CCR3: variants seen among roughly 807,000 people sequenced by gnomAD.
CCR3 encodes the protein C-C motif chemokine receptor 3, also known as C-C chemokine receptor type 3.
For synonymous variants in CCR3, 203 were observed against 179.2 expected, an observed-to-expected ratio of 1.13 and a Z score of -1.06; for missense variants, 419 against 437.5, an observed-to-expected ratio of 0.96 and a Z score of 0.38.
At chr3:46,234,554 C>T (rs910783309) in intron 2 of CCR3, among the ~76,000 whole-genome samples, 2 of 152,094 alleles carry the variant, frequency 1.3e-5, no homozygotes, top group Non-Finnish European at 1.5e-5. Context: ...AATTAAGCCT[C>T]GTTTTAACAT....
intron 1 of CCR3, among the ~76,000 whole-genome samples, chr3:46,248,620 C>T (rs376449020): frequency 6.6e-6 from 1 of 152,110 alleles, no homozygotes; most frequent in East Asian, 1.9e-4. Flanking sequence ...AGATAGGTAA[C>T]AGATGACGAT....
chr3:46,245,357 A>T (rs961652646), intron 1 of CCR3, among the ~76,000 whole-genome samples: 1 of 148,974 alleles, frequency 6.7e-6, no homozygotes, highest in African/African-American at 2.5e-5. Flanking sequence ...AAGGTCATCA[A>T]ATTTCTGCTC....
chr3:46,241,976 T>C (rs1012206775), upstream of CCR3, among the ~76,000 whole-genome samples: 1 of 151,806 alleles, frequency 6.6e-6, no homozygotes, highest in African/African-American at 2.4e-5. Context: ...CTACTAAAAA[T>C]ACAAAAATTA....
intron 1 of CCR3, among the ~76,000 whole-genome samples, chr3:46,256,557 A>G (rs1240569714): frequency 6.6e-6 from 1 of 151,824 alleles, no homozygotes; most frequent in Non-Finnish European, 1.5e-5. Context: ...ACACTTCACA[A>G]TAGGGAATAA....
chr3:46,211,880 G>A (rs183316238), intron 2 of CCR3, among the ~76,000 whole-genome samples: 29 of 152,232 alleles, frequency 1.9e-4, no homozygotes, highest in Non-Finnish European at 3.7e-4. Flanking sequence ...ATAGCCTCTC[G>A]ATGTGGTGGA....
chr3:46,248,490 A>G (rs1700242595), intron 1 of CCR3, among the ~76,000 whole-genome samples: 1 of 152,168 alleles, frequency 6.6e-6, no homozygotes, highest in African/African-American at 2.4e-5. Context: ...AAGAATTCTG[A>G]CTGCACTAAC....
At chr3:46,258,716 G>A (rs914938064) in intron 1 of CCR3, among the ~76,000 whole-genome samples, 1 of 152,098 alleles carries the variant, frequency 6.6e-6, no homozygotes, top group Non-Finnish European at 1.5e-5. Flanking sequence ...CAATCCTCAC[G>A]GAGATCAACT....
At chr3:46,240,498 T>C (rs1700069698), upstream of CCR3, among the ~76,000 whole-genome samples, 1 of 152,120 alleles carries the variant, frequency 6.6e-6, no homozygotes, top group South Asian at 2.1e-4. Context: ...CCTCGGGCCC[T>C]TTCTCTTCCA....
rs1458694525 is a variant in CCR3, at chr3:46,265,283, C to A, written c.125C>A (p.Ser42Tyr). 6.2e-7 allele frequency: 1 copy of A among 1,614,096 alleles called. No individual in the cohort carries two copies. The highest frequency in any genetic ancestry group is 1.3e-5 in the African/African-American group (1 of 75,024). ...GCCCAGTTTGTGCCCCCGCTGTACT[C>A]CCTGGTGTTCACTGTGGGCCTCTTG... ...LMAQFVPPLYSLVFTVGLLGN... is the reference protein window; with the variant it reads ...LMAQFVPPLYYLVFTVGLLGN... The change falls in exon 2 of 2, where the codon TCC becomes TAC. Residue 42 changes from serine to tyrosine, a missense_variant. Physicochemically the swap from Ser to Tyr is moderately radical, Grantham distance 144 (BLOSUM62 -2). Transcript: ENST00000395940.
At chr3:46,235,378 C>T (rs1056252979) in intron 2 of CCR3, among the ~76,000 whole-genome samples, 1 of 152,186 alleles carries the variant, frequency 6.6e-6, no homozygotes, top group African/African-American at 2.4e-5. Flanking sequence ...ACAACACATG[C>T]TATCATGGTT....
At chr3:46,236,378 C>T (rs1700024964) in intron 2 of CCR3, among the ~76,000 whole-genome samples, 1 of 152,232 alleles carries the variant, frequency 6.6e-6, no homozygotes, top group African/African-American at 2.4e-5. Context: ...GGTGCATGTG[C>T]AAGGCCACAT....
At chr3:46,225,620 T>C (rs907713923) in intron 2 of CCR3, among the ~76,000 whole-genome samples, 5 of 152,228 alleles carry the variant, frequency 3.3e-5, no homozygotes, top group African/African-American at 1.2e-4. Flanking sequence ...AGGTATGTAG[T>C]AACATCTCAT....
chr3:46,225,877 G>C (rs1486125240), intron 2 of CCR3, among the ~76,000 whole-genome samples: 4 of 152,056 alleles, frequency 2.6e-5, no homozygotes, highest in Admixed American at 2.6e-4. Flanking sequence ...TTAGGCTGAG[G>C]GTCATTTTGT....
At chr3:46,236,471 A>G (rs756092375) in intron 2 of CCR3, among the ~76,000 whole-genome samples, 2 of 152,216 alleles carry the variant, frequency 1.3e-5, no homozygotes, top group African/African-American at 2.4e-5. Context: ...TTGTTGCTGC[A>G]TTGGGTAGAA....
intron 1 of CCR3, among the ~76,000 whole-genome samples, chr3:46,252,689 C>T (rs1700339260): frequency 1.3e-5 from 2 of 152,020 alleles, no homozygotes; most frequent in Non-Finnish European, 2.9e-5. Flanking sequence ...TGGATGGAAA[C>T]AAGAAGGGAT....
chr3:46,239,621 A>G (rs1237588849), upstream of CCR3, among the ~76,000 whole-genome samples: 3 of 152,200 alleles, frequency 2.0e-5, no homozygotes, highest in Non-Finnish European at 4.4e-5. Context: ...TGGAGCTGGA[A>G]TTTCCACTCC....
In CCR3 at chr3:46,234,649, T is replaced by C. The variant is rs375782897; in HGVS notation, c.-67-7753T>C. 5.3e-5 allele frequency among the ~76,000 whole-genome samples: 8 copies of C among 152,336 alleles called. No homozygotes were observed. In the East Asian group the frequency reaches 1.5e-3, roughly 29 times the overall value. On this transcript the variant is annotated intron_variant, in intron 2 of 3. Coordinates refer to the CCR3 transcript ENST00000357422. ...AAAATACCCCCTGATTTCCCTTGTT[T>C]TTATGTGGAACACACAGTAGAGTCA... is the stretch of plus-strand genomic sequence containing the variant.
chr3:46,252,755 A>G (rs1700340402), intron 1 of CCR3, among the ~76,000 whole-genome samples: 1 of 152,156 alleles, frequency 6.6e-6, no homozygotes, highest in Non-Finnish European at 1.5e-5. Context: ...GTTCTGGATG[A>G]TACAGCAATA....
At chr3:46,249,181 G>A (rs965443170) in intron 1 of CCR3, among the ~76,000 whole-genome samples, 7 of 152,166 alleles carry the variant, frequency 4.6e-5, no homozygotes, top group East Asian at 3.9e-4. Flanking sequence ...AGAAGAGGAC[G>A]CAAAGGAGGC....
Sources: gnomAD v4.1 joint callset for allele counts (sites outside exome capture counted in the v4.1 genomes callset) on GRCh38, gnomAD v4.1.1 for gene constraint, MANE v1.5 for transcripts, NCBI Gene and HGNC (gene_info 2026-07-23, HGNC 2026-07-21) for gene names.